CFAP44: variants seen among roughly 807,000 people sequenced by gnomAD.
The protein encoded by CFAP44 is cilia and flagella associated protein 44.
A neutral mutation model predicts 216.2 loss-of-function variants in CFAP44; 134 were observed. The observed-to-expected ratio is 0.62, with a 90% CI of 0.54 to 0.72. The LOEUF (loss-of-function observed/expected upper bound fraction) is 0.72. Among genes scored for constraint, CFAP44 ranks in the 30% least tolerant of loss-of-function variants. The pLI, the probability that CFAP44 is intolerant of heterozygous loss-of-function variation, is 0.00. For synonymous variants in CFAP44, 700 were observed against 727.6 expected (o/e 0.96, Z 0.61); for missense variants, 2,035 against 2,182.1 (o/e 0.93, Z 1.34).
rs535075913 is a variant in CFAP44 at position 113,299,560 on chromosome 3, A to C, written c.5078-2675T>G. The stretch of plus-strand genomic sequence containing the variant: ...CATATGATCCAGCAATCGCACTGCT[A>C]GATAAATACCCAAAAGAAAGGAAAT... On this transcript the variant is annotated intron_variant, in intron 32 of 34. Transcript: ENST00000393845. Among the ~76,000 whole-genome samples the C allele has an allele frequency of 1.1e-4, 16 of 152,338 alleles. 1 individual carries two copies. The South Asian group carries it at 3.3e-3, about 32-fold the overall frequency.
At chr3:113,416,433 T>C (rs1454900239) in intron 6 of CFAP44, 92 bp downstream of exon 6, 1 of 996,154 alleles carries the variant, frequency 1.0e-6, no homozygotes, top group Non-Finnish European at 1.5e-6. Flanking sequence ...TCTGTTTCTC[T>C]GGAGAACCTT....
chr3:113,314,062 G>T (rs149615145), intron 28 of CFAP44, among the ~76,000 whole-genome samples: 35 of 152,168 alleles, frequency 2.3e-4, no homozygotes, highest in Non-Finnish European at 4.9e-4. Flanking sequence ...AGAGCCTCAG[G>T]GACCTTTTGG....
intron 27 of CFAP44, 116 bp downstream of exon 27, chr3:113,327,500 G>T: frequency 1.1e-6 from 1 of 886,932 alleles, no homozygotes; most frequent in Non-Finnish European, 1.6e-6. Context: ...GGGGAAAGAA[G>T]ACAAGAAAGA....
rs1041358543 is a variant in CFAP44, at chr3:113,287,902, G to C, written c.*3655C>G. 1.3e-5 allele frequency: 2 copies of C among 152,224 alleles called. No individual in the cohort carries two copies. Among genetic ancestry groups the C allele is most frequent in the African/African-American group, 2.4e-5 (1 of 41,452 alleles). The allele number at this position is 152,224 out of a possible 1,614,324, so 9.4% of individuals were successfully genotyped here. A position where few individuals can be genotyped will look rare whatever the true frequency, so the allele number is the denominator to read the frequency against. Reference sequence around the variant, plus strand: ...TTCCAAAGATACACCAACATTGCCAGAGTAGTTGACTCACTAGTTTAAAAT... The same window carrying C: ...TTCCAAAGATACACCAACATTGCCACAGTAGTTGACTCACTAGTTTAAAAT... On this transcript the variant is annotated 3_prime_UTR_variant, in exon 35 of 35. Coordinates refer to ENST00000393845, the MANE Select transcript of CFAP44 (RefSeq NM_001164496.2).
intron 22 of CFAP44, among the ~76,000 whole-genome samples, 163 bp downstream of exon 22, chr3:113,358,582 C>T (rs1244379645): frequency 6.6e-6 from 1 of 152,116 alleles, no homozygotes; most frequent in Non-Finnish European, 1.5e-5. Flanking sequence ...ACAGAAAGCT[C>T]AGGAAAATAT....
At chr3:113,431,944 T>A (rs180876808) in intron 2 of CFAP44, among the ~76,000 whole-genome samples, 1 of 152,298 alleles carries the variant, frequency 6.6e-6, no homozygotes, top group East Asian at 1.9e-4. Context: ...TTCCTCCTTT[T>A]TTCTTCCATT....
intron 34 of CFAP44, chr3:113,293,946 ACCT>A: frequency 4.4e-6 from 2 of 455,992 alleles, no homozygotes; most frequent in South Asian, 3.1e-5. Flanking sequence ...GGGCCTTAGC[ACCT>A]GCATTTTAAA....
At position 113,366,158 on chromosome 3, in the gene CFAP44, T is replaced by C; in HGVS notation, c.2596A>G (p.Asn866Asp). 1.2e-6 allele frequency: 2 copies of C among 1,614,082 alleles called. No homozygotes were observed. Among genetic ancestry groups the C allele is most frequent in the Non-Finnish European group, 1.7e-6 (2 of 1,179,982 alleles). The change falls in exon 19 of 35, where the codon AAT (asparagine) becomes GAT (aspartate). Residue 866 changes from asparagine to aspartate, a missense_variant. Transcript: ENST00000393845. ...ACCAAGAAACGATCATCAAAGCTATTAGCAATACTTTTAATACATCCATAA... is the reference window on the plus strand; with the variant it reads ...ACCAAGAAACGATCATCAAAGCTATCAGCAATACTTTTAATACATCCATAA... ...NNYGCIKSIA[N>D]SFDDRFLVTA...
At chr3:113,310,849 G>A (rs988739678) in intron 28 of CFAP44, among the ~76,000 whole-genome samples, 1 of 152,172 alleles carries the variant, frequency 6.6e-6, no homozygotes, top group Non-Finnish European at 1.5e-5. Context: ...TCTTGGTCCT[G>A]CACCTGCATT....
At chr3:113,319,648 A>C (rs543915892) in intron 28 of CFAP44, among the ~76,000 whole-genome samples, 2 of 152,012 alleles carry the variant, frequency 1.3e-5, no homozygotes, top group Admixed American at 1.3e-4. Context: ...TCTCATCTGC[A>C]CACAGAATAT....
At chr3:113,351,911 G>A (rs1328064038) in intron 22 of CFAP44, among the ~76,000 whole-genome samples, 1 of 152,176 alleles carries the variant, frequency 6.6e-6, no homozygotes, top group Non-Finnish European at 1.5e-5. Flanking sequence ...AAGGACTCCT[G>A]GATTGACCCA....
chr3:113,430,720 A>C (rs1470551912), intron 2 of CFAP44, among the ~76,000 whole-genome samples: 1 of 152,204 alleles, frequency 6.6e-6, no homozygotes, highest in Non-Finnish European at 1.5e-5. Flanking sequence ...TTTCCCACTC[A>C]TCAAGAAAAT....
intron 24 of CFAP44, among the ~76,000 whole-genome samples, chr3:113,338,336 T>C (rs1478302590): frequency 8.5e-6 from 1 of 117,252 alleles, no homozygotes; most frequent in Non-Finnish European, 1.8e-5. Flanking sequence ...TAACAGAAAA[T>C]ATTTGTAAAC....
Position 113,379,449 on chromosome 3 carries a change from C to T in CFAP44, c.2155G>A (p.Glu719Lys), listed in dbSNP as rs932047342. The change falls in exon 17 of 35, where the codon GAA becomes AAA. Residue 719 changes from glutamate (E) to lysine (K), a missense_variant. Around this residue, in one of 3 missense-constraint regions of CFAP44, gnomAD observed 1,883 missense variants for 2,023.7 expected, o/e 0.93. Transcript: ENST00000393845. ...TCTTCCTCCTCCTGAAATTCTTTTT[C>T]TCCATCTTCTCCCATCTCTGCTGCT... ...KLAAEMGEDG[E>K]KEFQEEEEEK... 1.9e-6 allele frequency: 3 copies of T among 1,612,152 alleles called. No homozygotes were observed. Among genetic ancestry groups the T allele is most frequent in the Non-Finnish European group, 2.5e-6 (3 of 1,178,358 alleles).
In CFAP44 at chr3:113,350,446, G is replaced by A. The variant is rs761071601; in HGVS notation, c.3066-5734C>T. On this transcript the variant is annotated intron_variant, in intron 22 of 34. Coordinates refer to ENST00000393845, the MANE Select transcript of CFAP44 (RefSeq NM_001164496.2). ...AAAGAGAGAAAGAGACAAAGAAGCC[G>A]AAGAGAAAGAAAGAGAGATGGAAGT... 1.1e-4 allele frequency among the ~76,000 whole-genome samples: 17 copies of A among 152,220 alleles called. No homozygotes were observed. In the East Asian group the frequency reaches 1.4e-3, roughly 12 times the overall value.
At chr3:113,380,845 A>C in intron 16 of CFAP44, 54 bp downstream of exon 16, 2 of 1,393,034 alleles carry the variant, frequency 1.4e-6, no homozygotes, top group African/African-American at 1.5e-5. Flanking sequence ...AGGATATTTT[A>C]TATTCTAAGG....
chr3:113,402,206 A>C (rs1559936788), intron 9 of CFAP44, among the ~76,000 whole-genome samples: 3 of 152,248 alleles, frequency 2.0e-5, no homozygotes, highest in Admixed American at 6.5e-5. Context: ...ATATAGATGT[A>C]GATAAAGTCT....
At chr3:113,331,697 T>G (rs1169336534) in intron 25 of CFAP44, among the ~76,000 whole-genome samples, 3 of 152,122 alleles carry the variant, frequency 2.0e-5, no homozygotes. Context: ...CACTGATGGC[T>G]GTAAGGCCTA....
chr3:113,399,511 G>A (rs937325250), intron 13 of CFAP44, among the ~76,000 whole-genome samples: 1 of 144,362 alleles, frequency 6.9e-6, no homozygotes, highest in African/African-American at 2.4e-5. Flanking sequence ...TCCATGAGGG[G>A]CAAGTATTTT....
Sources: gnomAD v4.1 joint callset for allele counts (sites outside exome capture counted in the v4.1 genomes callset) on GRCh38, gnomAD v4.1.1 for gene constraint, gnomAD v4.1.1 regional missense constraint, MANE v1.5 for transcripts, NCBI Gene and HGNC (gene_info 2026-07-23, HGNC 2026-07-21) for gene names.